The following CEP57L1 variants were observed in gnomAD, a reference collection of about 807,000 sequenced individuals.
The protein encoded by CEP57L1 is centrosomal protein CEP57L1.
CEP57L1 carries 37 observed loss-of-function variants against 61.0 expected under a neutral mutation model. The observed-to-expected ratio is 0.61, with a 90% confidence interval of 0.47 to 0.80. The LOEUF (loss-of-function observed/expected upper bound fraction) is 0.80. Among genes scored for constraint, CEP57L1 ranks in the 30% least tolerant of loss-of-function variants. The pLI is 0.00. For synonymous variants in CEP57L1, 137 were observed against 162.3 expected, an observed-to-expected ratio of 0.84 and a Z score of 1.19; for missense variants, 422 against 524.7, an observed-to-expected ratio of 0.80 and a Z score of 1.91.
chr6:109,103,155 C>G (rs1179772917), intron 1 of CEP57L1, among the ~76,000 whole-genome samples: 2 of 152,068 alleles, frequency 1.3e-5, no homozygotes, highest in Non-Finnish European at 2.9e-5. Flanking sequence ...AACACTGAAG[C>G]CATGTAAACT....
chr6:109,154,331 C>A lies in CEP57L1; in HGVS notation c.579+382C>A, dbSNP rs115485359. Among the ~76,000 whole-genome samples the A allele has an allele frequency of 7.5e-3, 1,142 of 152,220 alleles. 17 individuals carry two copies. The highest frequency in any genetic ancestry group is 0.026 in the African/African-American group (1,093 of 41,552). On this transcript the variant is annotated intron_variant, in intron 5 of 10. Coordinates refer to ENST00000517392, the MANE Select transcript of CEP57L1 (RefSeq NM_001271852.3). ...ATAGGGTTTTCTCACAGTCGTACTT[C>A]CCCTAGGAAGTCCTCCTTGAACTCT... is the stretch of plus-strand genomic sequence containing the variant.
intron 1 of CEP57L1, among the ~76,000 whole-genome samples, chr6:109,130,238 C>T (rs9480905): frequency 6.6e-6 from 1 of 152,194 alleles, no homozygotes; most frequent in African/African-American, 2.4e-5. Context: ...AACCACCATT[C>T]TACCTTCTGT....
intron 3 of CEP57L1, 105 bp downstream of exon 3, chr6:109,147,042 A>G (rs1772042559): frequency 5.7e-6 from 5 of 883,508 alleles, no homozygotes; most frequent in African/African-American, 1.8e-5. Context: ...TTATTCTTAT[A>G]TATATTCAAA....
At chr6:109,142,397 T>A (rs1338741473) in intron 1 of CEP57L1, among the ~76,000 whole-genome samples, 3 of 152,000 alleles carry the variant, frequency 2.0e-5, no homozygotes, top group Non-Finnish European at 4.4e-5. Context: ...CACTCATAAG[T>A]GGGAGTTGAA....
chr6:109,155,206 A>G lies in CEP57L1; in HGVS notation c.580-24A>G, dbSNP rs371501176. On this transcript the variant is annotated intron_variant, in intron 5 of 10. Transcript: ENST00000517392. The stretch of plus-strand genomic sequence containing the variant: ...ATTTGGCTCTAGTTTTTATGTAACA[A>G]TCTTAGTTTTTACTCTTTTGCAGGA... 83 of 1,413,252 alleles carry G rather than the reference A, an allele frequency of 5.9e-5. No individual in the cohort carries two copies. In the African/African-American group the frequency reaches 8.9e-4, roughly 15 times the overall value. The allele number at this position is 1,413,252 out of a possible 1,614,324, so 87.5% of individuals were successfully genotyped here. A position where few individuals can be genotyped will look rare whatever the true frequency, so the allele number is the denominator to read the frequency against.
intron 7 of CEP57L1, 22 bp from the exon 8 acceptor site, chr6:109,159,003 T>G: frequency 1.3e-6 from 2 of 1,587,504 alleles, no homozygotes; most frequent in Non-Finnish European, 1.7e-6. Context: ...CTTGTTTACG[T>G]TTTTTTCTTG....
intron 1 of CEP57L1, chr6:109,125,015 T>A (rs1264318708): frequency 3.3e-5 from 5 of 152,024 alleles, no homozygotes; most frequent in African/African-American, 4.8e-5. Context: ...TAGAAAGGAG[T>A]GTTCTGCTAG....
intron 1 of CEP57L1, among the ~76,000 whole-genome samples, chr6:109,118,665 G>C (rs1432908234): frequency 6.6e-6 from 1 of 152,162 alleles, no homozygotes. Flanking sequence ...TCAATACCAA[G>C]GAAAGCAATG....
At chr6:109,121,671 A>G (rs1312545029) in intron 1 of CEP57L1, among the ~76,000 whole-genome samples, 1 of 152,202 alleles carries the variant, frequency 6.6e-6, no homozygotes, top group East Asian at 1.9e-4. Context: ...TTCATTATCA[A>G]AATCCCAGAG....
At chr6:109,140,862 G>A (rs989928985) in intron 1 of CEP57L1, among the ~76,000 whole-genome samples, 2 of 149,084 alleles carry the variant, frequency 1.3e-5, no homozygotes, top group South Asian at 2.1e-4. Context: ...ATGGATTCTC[G>A]CTCTGTTGCC....
Position 109,174,099 on chromosome 6 carries a change from C to CAAAAAAAAAAAAAAAAAAAAAAAAAAAA in CEP57L1, c.*11144_*11145insAAAAAAAAAAAAAAAAAAAAAAAAAAAA, listed in dbSNP as rs1298260523. On this transcript the variant is annotated 3_prime_UTR_variant, in exon 11 of 11. Coordinates refer to ENST00000517392, the MANE Select transcript of CEP57L1 (RefSeq NM_001271852.3). Reference sequence around the variant, plus strand: ...TGAGCCATAGAGTGAGTCTTGGTCTCAAAAAAAAAAAAAAACCTTGTGTTG... The same window carrying CAAAAAAAAAAAAAAAAAAAAAAAAAAAA: ...TGAGCCATAGAGTGAGTCTTGGTCTCAAAAAAAAAAAAAAAAAAAAAAAAAAAAAAAAAAAAAAAAAAACCTTGTGTTG... 3.7e-5 allele frequency among the ~76,000 whole-genome samples: 3 copies of CAAAAAAAAAAAAAAAAAAAAAAAAAAAA among 81,900 alleles called. No homozygotes were observed. Among genetic ancestry groups the CAAAAAAAAAAAAAAAAAAAAAAAAAAAA allele is most frequent in the African/African-American group, 1.4e-4 (3 of 20,846 alleles). 53.7% of individuals were successfully genotyped at this position (81,900 alleles called of 152,430 possible). A position where few individuals can be genotyped will look rare whatever the true frequency, so the allele number is the denominator to read the frequency against.
rs1323031782 is a variant in CEP57L1, at chr6:109,172,182, T to C, written c.*9212T>C. Among the ~76,000 whole-genome samples the C allele has an allele frequency of 2.6e-5, 3 of 117,014 alleles. No homozygotes were observed. The highest frequency in any genetic ancestry group is 1.1e-4 in the African/African-American group (3 of 28,350). 76.8% of individuals were successfully genotyped at this position (117,014 alleles called of 152,430 possible). ...AAGTCATGTAGACAGACCATAATTC[T>C]CTCAGCAGACAGACCATAATTCTCT... On this transcript the variant is annotated 3_prime_UTR_variant, in exon 11 of 11. Coordinates refer to ENST00000517392, the MANE Select transcript of CEP57L1 (RefSeq NM_001271852.3).
chr6:109,161,484 T>G (rs1773714047), intron 10 of CEP57L1, among the ~76,000 whole-genome samples: 1 of 152,112 alleles, frequency 6.6e-6, no homozygotes, highest in African/African-American at 2.4e-5. Context: ...TAGTGATATA[T>G]GAATGTCACA....
At chr6:109,122,832 CACTT>C (rs1345782307) in intron 1 of CEP57L1, among the ~76,000 whole-genome samples, 9 of 152,050 alleles carry the variant, frequency 5.9e-5, no homozygotes, top group Admixed American at 1.3e-4. Context: ...ACTCATCAGA[CACTT>C]ACCCAGGCCC....
At chr6:109,120,298 T>C (rs1368355788) in intron 1 of CEP57L1, among the ~76,000 whole-genome samples, 1 of 152,134 alleles carries the variant, frequency 6.6e-6, no homozygotes, top group Non-Finnish European at 1.5e-5. Context: ...CAAACAAAAA[T>C]TCATATGAAG....
At position 109,155,790 on chromosome 6, in the gene CEP57L1, G is replaced by A; in HGVS notation, c.658-1G>A. On this transcript the variant is annotated splice_acceptor_variant, in intron 6 of 10. Coordinates refer to ENST00000517392, the MANE Select transcript of CEP57L1 (RefSeq NM_001271852.3). LOFTEE classifies it high-confidence loss of function. ...TATAACCTTTTTTTTAAATATTACA[G>A]CTTCAAACTGGACTTGAAATCAGTA... 6.8e-7 allele frequency: 1 copy of A among 1,480,304 alleles called. No individual in the cohort carries two copies. Among genetic ancestry groups the A allele is most frequent in the Non-Finnish European group, 9.4e-7 (1 of 1,068,862 alleles). The allele number at this position is 1,480,304 out of a possible 1,614,324, so 91.7% of individuals were successfully genotyped here.
intron 2 of CEP57L1, 81 bp from the exon 3 acceptor site, chr6:109,146,677 T>C (rs556104758): frequency 1.1e-6 from 1 of 947,548 alleles, no homozygotes; most frequent in Non-Finnish European, 1.5e-6. Flanking sequence ...AAAAATATAC[T>C]GCTTATTTTT....
chr6:109,110,402 T>C (rs1771461803), intron 1 of CEP57L1, among the ~76,000 whole-genome samples: 1 of 152,242 alleles, frequency 6.6e-6, no homozygotes, highest in East Asian at 1.9e-4. Context: ...GATTTTTTCT[T>C]GTAAATCTAA....
intron 3 of CEP57L1, among the ~76,000 whole-genome samples, chr6:109,147,999 G>A (rs929897554): frequency 2.0e-5 from 3 of 152,072 alleles, no homozygotes; most frequent in Non-Finnish European, 4.4e-5. Context: ...AGATAAAGGA[G>A]GCCTTGAACT....
Sources: allele counts gnomAD v4.1 joint callset (sites outside exome capture counted in the v4.1 genomes callset), GRCh38; gene constraint gnomAD v4.1.1; transcripts MANE v1.5; gene names NCBI Gene and HGNC (gene_info 2026-07-23, HGNC 2026-07-21).